Variants in ALDH5A1 observed in about 807,000 individuals in gnomAD.
The protein encoded by ALDH5A1 is aldehyde dehydrogenase 5 family member A1.
In ALDH5A1, 33 loss-of-function variants were observed where a neutral mutation model predicts 54.7. The observed-to-expected ratio is 0.60, with a 90% CI of 0.46 to 0.81. The LOEUF (loss-of-function observed/expected upper bound fraction) is 0.81. Ranked by LOEUF, ALDH5A1 falls within the 30% of genes least tolerant of loss-of-function variation. ALDH5A1 has a pLI of 0.00. For synonymous variants in ALDH5A1, 294 were observed against 292.7 expected, an observed-to-expected ratio of 1.00 and a Z score of -0.05; for missense variants, 657 against 711.0, an observed-to-expected ratio of 0.92 and a Z score of 0.86.
At chr6:24,505,619 C>T (rs988496042) in intron 4 of ALDH5A1, among the ~76,000 whole-genome samples, 7 of 152,136 alleles carry the variant, frequency 4.6e-5, no homozygotes, top group South Asian at 2.1e-4. Flanking sequence ...TGCTTCTTCA[C>T]GTCTTCACTC....
chr6:24,524,888 G>A (rs1759771613), intron 7 of ALDH5A1, among the ~76,000 whole-genome samples: 1 of 152,186 alleles, frequency 6.6e-6, no homozygotes, highest in African/African-American at 2.4e-5. Context: ...GTCAGCCTAG[G>A]CATTGGCATT....
At chr6:24,506,926 T>G (rs913203915) in intron 4 of ALDH5A1, among the ~76,000 whole-genome samples, 5 of 24,746 alleles carry the variant, frequency 2.0e-4, no homozygotes, top group African/African-American at 2.0e-4. Context: ...TTCTCAGATT[T>G]TATTAGTCTG....
chr6:24,505,974 A>G (rs554706321), intron 4 of ALDH5A1, among the ~76,000 whole-genome samples: 1 of 152,028 alleles, frequency 6.6e-6, no homozygotes, highest in South Asian at 2.1e-4. Context: ...TCTCAAAAAA[A>G]AAAATCACAA....
chr6:24,533,582 A>G lies in ALDH5A1; in HGVS notation c.1478A>G (p.Asn493Ser), dbSNP rs776978579. The change falls in exon 10 of 10, where the codon AAC (asparagine) becomes AGC (serine). Residue 493 changes from asparagine (N) to serine (S), a missense_variant. Around this residue, in one of 2 missense-constraint regions of ALDH5A1, gnomAD observed 425 missense variants for 516.4 expected, o/e 0.82. Coordinates refer to ENST00000357578, the MANE Select transcript of ALDH5A1 (RefSeq NM_001080.3). ...CTGGAAGTGGGCATGGTTGGCGTCAACGAAGGATTAATTTCCTCTGTGGAG... is the reference window on the plus strand; with the variant it reads ...CTGGAAGTGGGCATGGTTGGCGTCAGCGAAGGATTAATTTCCTCTGTGGAG... ...EQLEVGMVGV[N>S]EGLISSVECP... 7.4e-6 allele frequency: 12 copies of G among 1,614,166 alleles called. No individual in the cohort carries two copies. The highest frequency in any genetic ancestry group is 1.0e-5 in the Non-Finnish European group (12 of 1,180,030).
rs890494087 is a variant in ALDH5A1 at position 24,518,621 on chromosome 6, T to C, written c.871-1780T>C. 6.6e-6 allele frequency among the ~76,000 whole-genome samples: 1 copy of C among 152,246 alleles called. No individual in the cohort carries two copies. On this transcript the variant is annotated intron_variant, in intron 5 of 9. Transcript: ENST00000357578. The surrounding 1 kb of genome is among the most constrained non-coding windows in gnomAD (Gnocchi z 4.2). ...TTATGTTGCGTCCGATAAAGAAATA[T>C]GTTTAGTCTTAAAACTTGAACTACT...
chr6:24,520,403 C>A lies in ALDH5A1; in HGVS notation c.873C>A (p.Ile291=), dbSNP rs1334188224. 6.2e-7 allele frequency: 1 copy of A among 1,614,004 alleles called. No individual in the cohort carries two copies. Among genetic ancestry groups the A allele is most frequent in the Non-Finnish European group, 8.5e-7 (1 of 1,180,014 alleles). The change falls in exon 6 of 10, where the codon ATC becomes ATA. Residue 291 remains isoleucine (I), a splice_region_variant and synonymous_variant. Coordinates refer to ENST00000357578, the MANE Select transcript of ALDH5A1 (RefSeq NM_001080.3). ...SFTGSTTTGK[I]LLHHAANSVK... ...AGCTTTCTCTCCTCTGCTCACAGAT[C>A]CTGTTGCACCACGCAGCAAACTCTG...
chr6:24,517,090 T>C (rs1283402199), intron 5 of ALDH5A1, among the ~76,000 whole-genome samples: 2 of 152,104 alleles, frequency 1.3e-5, no homozygotes, highest in Non-Finnish European at 2.9e-5. Context: ...AACTGTAACC[T>C]CTGCTTCCTG....
intron 8 of ALDH5A1, 123 bp from the exon 9 acceptor site, chr6:24,531,996 G>C (rs1028054415): frequency 1.1e-6 from 1 of 877,566 alleles, no homozygotes; most frequent in South Asian, 1.4e-5. Flanking sequence ...TCTGCTCTTG[G>C]ATCTCTTTGC....
At chr6:24,507,839 T>G (rs1581810626) in intron 4 of ALDH5A1, among the ~76,000 whole-genome samples, 2 of 152,114 alleles carry the variant, frequency 1.3e-5, no homozygotes, top group Non-Finnish European at 2.9e-5. Flanking sequence ...GGTTACATGA[T>G]TAAGTTCTTT....
At chr6:24,504,135 A>C (rs2760114) in intron 3 of ALDH5A1, among the ~76,000 whole-genome samples, 44,530 of 152,026 alleles carry the variant, frequency 0.29, 6,749 homozygotes, top group Non-Finnish European at 0.31. Flanking sequence ...TATTTACTAA[A>C]TGTGCAACCT....
At chr6:24,507,441 T>TA (rs1759378943) in intron 4 of ALDH5A1, among the ~76,000 whole-genome samples, 1 of 151,758 alleles carries the variant, frequency 6.6e-6, no homozygotes, top group Non-Finnish European at 1.5e-5. Flanking sequence ...CTTTTTTTTT[T>TA]ACCTAGATAC....
Position 24,536,511 on chromosome 6 carries a change from A to C in ALDH5A1, c.*2799A>C, listed in dbSNP as rs1380182997. Reference sequence around the variant, plus strand: ...GATTTACTACTTGTCTCCTTAAAGAAAAAGTTTGCCAGCTCCTGATCTAGA... The same window carrying C: ...GATTTACTACTTGTCTCCTTAAAGACAAAGTTTGCCAGCTCCTGATCTAGA... On this transcript the variant is annotated 3_prime_UTR_variant, in exon 10 of 10. Coordinates refer to ENST00000357578, the MANE Select transcript of ALDH5A1 (RefSeq NM_001080.3). 6.6e-6 allele frequency: 1 copy of C among 152,212 alleles called. No individual in the cohort carries two copies. Among genetic ancestry groups the C allele is most frequent in the Non-Finnish European group, 1.5e-5 (1 of 68,026 alleles). 9.4% of individuals were successfully genotyped at this position (152,212 alleles called of 1,614,324 possible).
intron 7 of ALDH5A1, among the ~76,000 whole-genome samples, chr6:24,527,123 C>A (rs1759827839): frequency 6.6e-6 from 1 of 151,260 alleles, no homozygotes; most frequent in African/African-American, 2.4e-5. Flanking sequence ...ACTTCCTCAG[C>A]AACACCGGAA....
At position 24,500,683 on chromosome 6, in the gene ALDH5A1, C is replaced by T. The variant is rs542146699; in HGVS notation, c.355-1840C>T. 1.0e-4 allele frequency among the ~76,000 whole-genome samples: 12 copies of T among 115,962 alleles called. No homozygotes were observed. The East Asian group carries it at 1.6e-3, about 15-fold the overall frequency. 76.1% of individuals were successfully genotyped at this position (115,962 alleles called of 152,430 possible). On this transcript the variant is annotated intron_variant, in intron 1 of 9. Transcript: ENST00000357578. ...ATAATAATAATAATAATAATAATAA[C>T]GTAGGGAACTATATACCTTTGTATG...
At chr6:24,497,376 A>G (rs1343151029) in intron 1 of ALDH5A1, among the ~76,000 whole-genome samples, 1 of 151,752 alleles carries the variant, frequency 6.6e-6, no homozygotes, top group Non-Finnish European at 1.5e-5. Flanking sequence ...GGTGTATTTT[A>G]CAATCCTCTT....
chr6:24,526,988 A>AC lies in ALDH5A1; in HGVS notation c.1174-1009_1174-1008insC, dbSNP rs372736611. 6.8e-4 allele frequency among the ~76,000 whole-genome samples: 68 copies of AC among 99,830 alleles called. 1 individual carries two copies. The highest frequency in any genetic ancestry group is 1.0e-3 in the Non-Finnish European group (50 of 49,134). The allele number at this position is 99,830 out of a possible 152,430, so 65.5% of individuals were successfully genotyped here. On this transcript the variant is annotated intron_variant, in intron 7 of 9. Transcript: ENST00000357578. ...TATGTGTGTGTGTATATATATATATATATATATATATATATATATAGTATT... is the reference window on the plus strand; with the variant it reads ...TATGTGTGTGTGTATATATATATATACTATATATATATATATATATAGTATT...
chr6:24,500,849 G>A (rs1196545297), intron 1 of ALDH5A1, among the ~76,000 whole-genome samples: 1 of 151,964 alleles, frequency 6.6e-6, no homozygotes, highest in Non-Finnish European at 1.5e-5. Context: ...TCAAAGAAGG[G>A]TCAGTTAGCA....
intron 4 of ALDH5A1, among the ~76,000 whole-genome samples, chr6:24,514,274 T>G (rs532766168): frequency 1.4e-4 from 21 of 152,338 alleles, no homozygotes; most frequent in Admixed American, 4.6e-4. Flanking sequence ...TTTGCACTGC[T>G]GCCCTGCACC....
Position 24,495,247 on chromosome 6 carries a change from G to T in ALDH5A1, c.251G>T (p.Gly84Val). 1 of 1,526,600 alleles carries T rather than the reference G, an allele frequency of 6.6e-7. No individual in the cohort carries two copies. Among genetic ancestry groups the T allele is most frequent in the South Asian group, 1.2e-5 (1 of 83,512 alleles). The allele number at this position is 1,526,600 out of a possible 1,614,324, so 94.6% of individuals were successfully genotyped here. Reference sequence around the variant, plus strand: ...TTCCCCGTGCAAGACCCGGCCAGCGGCGCCGCTCTGGGCATGGTAGCCGAC... The same window carrying T: ...TTCCCCGTGCAAGACCCGGCCAGCGTCGCCGCTCTGGGCATGGTAGCCGAC... Reference protein sequence around the residue: ...ATFPVQDPASGAALGMVADCG... With the variant: ...ATFPVQDPASVAALGMVADCG... The change falls in exon 1 of 10, where the codon GGC becomes GTC. Residue 84 changes from glycine to valine, a missense_variant. This residue lies in a region of ALDH5A1 where 232 missense variants were observed against 194.6 expected (regional missense o/e 1.19). Coordinates refer to ENST00000357578, the MANE Select transcript of ALDH5A1 (RefSeq NM_001080.3).
Sources: gnomAD v4.1 joint callset for allele counts (sites outside exome capture counted in the v4.1 genomes callset) on GRCh38, gnomAD v4.1.1 for gene constraint, gnomAD v4.1.1 regional missense constraint, Gnocchi (gnomAD v3.1) non-coding constraint, MANE v1.5 for transcripts, NCBI Gene and HGNC (gene_info 2026-07-23, HGNC 2026-07-21) for gene names.